The following BANK1 variants were observed in gnomAD, a reference collection of about 807,000 sequenced individuals.
BANK1 encodes B cell scaffold protein with ankyrin repeats 1.
BANK1 carries 95 observed loss-of-function variants against 94.5 expected under a neutral mutation model. The observed-to-expected ratio is 1.00, with a 90% CI of 0.85 to 1.19. BANK1 has a LOEUF of 1.19. BANK1 is among the 50% of genes most tolerant of loss of function. The pLI is 0.00. For missense variants in BANK1, 987 were observed against 932.2 expected (o/e 1.06, Z -0.77); for synonymous variants, 334 against 308.4 (o/e 1.08, Z -0.87).
chr4:101,880,464 T>C (rs1728637364), intron 5 of BANK1, among the ~76,000 whole-genome samples: 1 of 152,052 alleles, frequency 6.6e-6, no homozygotes, highest in South Asian at 2.1e-4. Flanking sequence ...TTCATGCTCA[T>C]GGATTGGAAG....
chr4:101,795,460 G>A (rs1359629428), intron 1 of BANK1, among the ~76,000 whole-genome samples: 1 of 151,928 alleles, frequency 6.6e-6, no homozygotes, highest in Non-Finnish European at 1.5e-5. Flanking sequence ...ACACAAAAGG[G>A]CATGATTCTA....
intron 7 of BANK1, among the ~76,000 whole-genome samples, chr4:101,939,898 A>G (rs1196151799): frequency 2.0e-5 from 3 of 151,828 alleles, no homozygotes; most frequent in Admixed American, 2.0e-4. Context: ...TATTAAAATT[A>G]TGGAAACAGA....
chr4:101,800,778 A>G (rs1434675914), intron 1 of BANK1, among the ~76,000 whole-genome samples: 2 of 152,186 alleles, frequency 1.3e-5, no homozygotes, highest in African/African-American at 2.4e-5. Context: ...ATTTTTTGAG[A>G]TGGTTTCTCG....
At chr4:101,926,126 T>A (rs868177924) in intron 7 of BANK1, among the ~76,000 whole-genome samples, 4 of 151,740 alleles carry the variant, frequency 2.6e-5, no homozygotes, top group Non-Finnish European at 4.4e-5. Flanking sequence ...TAATCCAATG[T>A]AGATTGGGTA....
chr4:101,884,137 GA>G (rs1467535058), intron 5 of BANK1, among the ~76,000 whole-genome samples: 2 of 152,118 alleles, frequency 1.3e-5, no homozygotes, highest in Non-Finnish European at 1.5e-5. Flanking sequence ...ATTTGAAAAG[GA>G]AAATGTAACT....
At chr4:102,026,375 A>C (rs1727098356) in intron 9 of BANK1, among the ~76,000 whole-genome samples, 3 of 152,174 alleles carry the variant, frequency 2.0e-5, no homozygotes, top group African/African-American at 7.2e-5. Flanking sequence ...GTTAAAAAAA[A>C]AAAACTCCTT....
chr4:101,906,714 C>A (rs1722463934), intron 6 of BANK1, among the ~76,000 whole-genome samples: 1 of 152,086 alleles, frequency 6.6e-6, no homozygotes, highest in African/African-American at 2.4e-5. Context: ...CCATTGTTAC[C>A]CTGATGCTTC....
intron 2 of BANK1, among the ~76,000 whole-genome samples, chr4:101,850,416 C>T (rs866751801): frequency 3.3e-5 from 5 of 151,286 alleles, no homozygotes; most frequent in South Asian, 4.2e-4. Context: ...GGATTACAGG[C>T]GTGTGCCATG....
chr4:101,822,237 G>T (rs547316919), intron 1 of BANK1, among the ~76,000 whole-genome samples: 2 of 151,954 alleles, frequency 1.3e-5, no homozygotes, highest in African/African-American at 2.4e-5. Context: ...TGGCATGGTG[G>T]TGCATACCTG....
intron 2 of BANK1, among the ~76,000 whole-genome samples, chr4:101,850,310 C>T (rs1012208151): frequency 6.6e-6 from 1 of 152,044 alleles, no homozygotes; most frequent in Admixed American, 6.6e-5. Context: ...CTTGCTTTGT[C>T]ACCCAGGCTG....
At chr4:102,020,160 T>C (rs948484775) in intron 7 of BANK1, among the ~76,000 whole-genome samples, 1 of 151,490 alleles carries the variant, frequency 6.6e-6, no homozygotes, top group Non-Finnish European at 1.5e-5. Flanking sequence ...TGTAAACCAT[T>C]GCTACTAATA....
chr4:101,922,261 A>T (rs992230532), intron 7 of BANK1, among the ~76,000 whole-genome samples: 32 of 151,820 alleles, frequency 2.1e-4, no homozygotes, highest in Non-Finnish European at 4.4e-4. Flanking sequence ...GCTAGTAAAC[A>T]TTCACTCTTC....
At chr4:101,817,773 G>T (rs900355837) in intron 1 of BANK1, among the ~76,000 whole-genome samples, 1 of 152,096 alleles carries the variant, frequency 6.6e-6, no homozygotes, top group African/African-American at 2.4e-5. Flanking sequence ...CTGAGACCCA[G>T]GATGGCTTTG....
chr4:101,896,856 C>G (rs1368135130), intron 6 of BANK1, among the ~76,000 whole-genome samples: 2 of 151,528 alleles, frequency 1.3e-5, no homozygotes, highest in Non-Finnish European at 3.0e-5. Flanking sequence ...ATTATAGTTG[C>G]CAAAAGAATG....
At chr4:101,822,236 G>A (rs998807284) in intron 1 of BANK1, among the ~76,000 whole-genome samples, 2 of 151,956 alleles carry the variant, frequency 1.3e-5, no homozygotes, top group African/African-American at 4.8e-5. Context: ...TTGGCATGGT[G>A]GTGCATACCT....
intron 15 of BANK1, among the ~76,000 whole-genome samples, chr4:102,072,659 A>T (rs995904340): frequency 2.0e-5 from 3 of 152,214 alleles, no homozygotes; most frequent in African/African-American, 7.2e-5. Flanking sequence ...GACCAAAAAA[A>T]TCTTAGAGGA....
At chr4:101,899,417 T>TTTCGCA (rs1275145377) in intron 6 of BANK1, among the ~76,000 whole-genome samples, 1 of 152,118 alleles carries the variant, frequency 6.6e-6, no homozygotes, top group African/African-American at 2.4e-5. Flanking sequence ...AAGTACAAAT[T>TTTCGCA]TTCGCATCTC....
intron 1 of BANK1, among the ~76,000 whole-genome samples, chr4:101,818,681 A>G (rs1323364704): frequency 1.3e-5 from 2 of 152,104 alleles, no homozygotes; most frequent in African/African-American, 2.4e-5. Context: ...ATACTGTTAC[A>G]GTTGTTCTAT....
intron 7 of BANK1, among the ~76,000 whole-genome samples, chr4:101,935,900 T>G (rs2148907457): frequency 6.6e-6 from 1 of 151,616 alleles, no homozygotes; most frequent in African/African-American, 2.4e-5. Flanking sequence ...TCTCACCATA[T>G]ACAAAAATCA....
Sources: gnomAD v4.1 joint callset for allele counts (sites outside exome capture counted in the v4.1 genomes callset) on GRCh38, gnomAD v4.1.1 for gene constraint, MANE v1.5 for transcripts, NCBI Gene and HGNC (gene_info 2026-07-23, HGNC 2026-07-21) for gene names.